USP37: variants seen among roughly 807,000 people sequenced by gnomAD.
USP37 encodes the protein ubiquitin specific peptidase 37.
USP37 carries 27 observed loss-of-function variants against 124.0 expected under a neutral mutation model. The observed-to-expected ratio is 0.22, with a 90% CI of 0.16 to 0.30. The LOEUF (loss-of-function observed/expected upper bound fraction) is 0.30. USP37 is among the 10% of genes least tolerant of loss of function. The pLI, the probability that USP37 is intolerant of heterozygous loss-of-function variation, is 1.00. For missense variants in USP37, 889 were observed against 1,140.4 expected, an observed-to-expected ratio of 0.78 and a Z score of 3.17; for synonymous variants, 365 against 388.0, an observed-to-expected ratio of 0.94 and a Z score of 0.70.
intron 10 of USP37, among the ~76,000 whole-genome samples, chr2:218,529,557 A>T (rs923982656): frequency 1.3e-5 from 2 of 151,968 alleles, no homozygotes; most frequent in Non-Finnish European, 2.9e-5. Context: ...GCACTTTGGA[A>T]GGCTGAGGTG....
Position 218,497,744 on chromosome 2 carries a change from T to C in USP37, c.1271A>G (p.Tyr424Cys), listed in dbSNP as rs145355579. ...ISATAERFSG[Y>C]MQNDAHEFLS... Reference sequence around the variant, plus strand: ...ACAATTAATACTCACATTCTGCATATAACCAGAGAATCTCTCTGCTGTAGC... The same window carrying C: ...ACAATTAATACTCACATTCTGCATACAACCAGAGAATCTCTCTGCTGTAGC... The change falls in exon 13 of 26, where the codon TAT becomes TGT. Residue 424 changes from tyrosine to cysteine, a missense_variant. Tyr to Cys is a radical substitution (Grantham distance 194). Coordinates refer to ENST00000258399, the MANE Select transcript of USP37 (RefSeq NM_020935.3). The C allele has an allele frequency of 2.1e-4, 343 of 1,614,094 alleles. No homozygotes were observed. The highest frequency in any genetic ancestry group is 2.7e-4 in the Non-Finnish European group (322 of 1,180,002).
chr2:218,528,725 T>C, intron 10 of USP37: 1 of 376,188 alleles, frequency 2.7e-6, no homozygotes, highest in Non-Finnish European at 4.7e-6. Context: ...CCATCAACCC[T>C]TCTGTGCTGC....
chr2:218,548,642 C>G (rs868578845), intron 6 of USP37, among the ~76,000 whole-genome samples: 1 of 151,778 alleles, frequency 6.6e-6, no homozygotes, highest in Non-Finnish European at 1.5e-5. Context: ...CACGCCTGGC[C>G]GCATAGTAAG....
At chr2:218,564,801 A>G (rs577739167) in intron 1 of USP37, among the ~76,000 whole-genome samples, 1 of 152,314 alleles carries the variant, frequency 6.6e-6, no homozygotes, top group South Asian at 2.1e-4. Flanking sequence ...GCTCATCACT[A>G]CCTAGAAAAT....
At position 218,497,848 on chromosome 2, in the gene USP37, T is replaced by C. The variant is rs1559187235; in HGVS notation, c.1167A>G (p.Ala389=). 2 of 1,613,712 alleles carry C rather than the reference T, an allele frequency of 1.2e-6. No individual in the cohort carries two copies. The highest frequency in any genetic ancestry group is 1.7e-5 in the Admixed American group (1 of 59,986). The change falls in exon 13 of 26, where the codon GCA becomes GCG. Residue 389 remains alanine, a synonymous_variant. Coordinates refer to ENST00000258399, the MANE Select transcript of USP37 (RefSeq NM_020935.3). ...AGATATCTTTTTTAACAAGCAAGTG[T>C]GCAAAGCGTCTAGTAAAACAAAAAA... The part of the protein sequence containing the change: ...IPLNALIRRF[A]HLLVKKDICN...
At chr2:218,512,740 TA>T (rs1280175080) in intron 10 of USP37, among the ~76,000 whole-genome samples, 1 of 152,162 alleles carries the variant, frequency 6.6e-6, no homozygotes, top group Non-Finnish European at 1.5e-5. Flanking sequence ...TACAAACCCC[TA>T]AATATTGTAC....
intron 16 of USP37, among the ~76,000 whole-genome samples, 169 bp downstream of exon 16, chr2:218,485,495 C>T (rs1373802422): frequency 6.6e-6 from 1 of 152,066 alleles, no homozygotes; most frequent in Admixed American, 6.6e-5. Flanking sequence ...TGCCCTCTTA[C>T]ACTCTGCACA....
intron 21 of USP37, among the ~76,000 whole-genome samples, chr2:218,464,715 A>G (rs1227395377): frequency 1.3e-5 from 2 of 152,218 alleles, no homozygotes; most frequent in Admixed American, 6.5e-5. Flanking sequence ...TATAAATCTG[A>G]TATTTCAGGT....
chr2:218,504,702 T>C (rs1293079782), intron 11 of USP37, among the ~76,000 whole-genome samples: 1 of 152,200 alleles, frequency 6.6e-6, no homozygotes, highest in African/African-American at 2.4e-5. Flanking sequence ...CCCAAAGCGC[T>C]AGGATTACAG....
intron 11 of USP37, 140 bp downstream of exon 11, chr2:218,509,839 G>A (rs1168121064): frequency 2.6e-6 from 2 of 764,130 alleles, no homozygotes; most frequent in East Asian, 3.1e-5. Context: ...ACTTATGGAT[G>A]TAATAAATCT....
At chr2:218,463,144 G>T (rs1178864748) in intron 22 of USP37, among the ~76,000 whole-genome samples, 162 bp downstream of exon 22, 1 of 150,912 alleles carries the variant, frequency 6.6e-6, no homozygotes, top group African/African-American at 2.4e-5. Context: ...TCCAGCCTGG[G>T]TGACAGAGTG....
At chr2:218,555,313 TG>T (rs1692907905) in intron 4 of USP37, among the ~76,000 whole-genome samples, 2 of 151,516 alleles carry the variant, frequency 1.3e-5, no homozygotes, top group Non-Finnish European at 2.9e-5. Context: ...TAGAGAAAAT[TG>T]ACTTTTGTTA....
At chr2:218,463,853 GA>G (rs371013518) in intron 21 of USP37, among the ~76,000 whole-genome samples, 40,596 of 128,928 alleles carry the variant, frequency 0.31, 6,874 homozygotes, top group Non-Finnish European at 0.36. Flanking sequence ...TATTTTTTAA[GA>G]TTTTTTTTTT....
chr2:218,474,932 A>G, intron 19 of USP37, 47 bp from the exon 20 acceptor site: 3 of 1,548,606 alleles, frequency 1.9e-6, no homozygotes, highest in Non-Finnish European at 2.6e-6. Flanking sequence ...ACCTACAAAT[A>G]TAGCAATCTT....
At chr2:218,455,346 A>G (rs1689637619) in intron 25 of USP37, among the ~76,000 whole-genome samples, 1 of 152,186 alleles carries the variant, frequency 6.6e-6, no homozygotes, top group South Asian at 2.1e-4. Flanking sequence ...AACTGTCTTA[A>G]CTTCCATACC....
intron 9 of USP37, 47 bp downstream of exon 9, chr2:218,534,551 TAATCTAATAAA>T (rs1314402891): frequency 2.9e-6 from 3 of 1,037,068 alleles, no homozygotes; most frequent in Middle Eastern, 2.8e-4. Flanking sequence ...TTTTTATTTC[TAATCTAATAAA>T]TATATAATAA....
chr2:218,454,971 G>A lies in USP37; in HGVS notation c.2899C>T (p.Leu967Phe). 2 of 1,614,086 alleles carry A rather than the reference G, an allele frequency of 1.2e-6. No individual in the cohort carries two copies. Among genetic ancestry groups the A allele is most frequent in the Non-Finnish European group, 1.7e-6 (2 of 1,180,034 alleles). ...LLETEKNSQS[L>F]STEVGKTTRQ... ...GTAGTCTTCCCCACTTCCGTGCTAA[G>A]TGACTGAGAGTTCTTTTCTGTTTCC... Residue 967 changes from leucine to phenylalanine, a missense_variant, in exon 26 of 26, where the codon CTT becomes TTT. This residue lies in a region of USP37 where 504 missense variants were observed against 714.3 expected (regional missense o/e 0.71). Transcript: ENST00000258399.
chr2:218,564,736 A>G (rs768410414), intron 1 of USP37, among the ~76,000 whole-genome samples: 12 of 152,034 alleles, frequency 7.9e-5, no homozygotes, highest in Non-Finnish European at 1.5e-4. Flanking sequence ...AATAACAAAC[A>G]CTTGTTAAGT....
chr2:218,545,467 T>C (rs1190273782), intron 8 of USP37, among the ~76,000 whole-genome samples: 1 of 152,190 alleles, frequency 6.6e-6, no homozygotes, highest in East Asian at 1.9e-4. Flanking sequence ...TTGGTGATTA[T>C]AGTTTCAGAT....
Sources: allele counts gnomAD v4.1 joint callset (sites outside exome capture counted in the v4.1 genomes callset), GRCh38; gene constraint gnomAD v4.1.1; regional missense constraint gnomAD v4.1.1; transcripts MANE v1.5; gene names NCBI Gene and HGNC (gene_info 2026-07-23, HGNC 2026-07-21).